Variants in ULK4 observed in about 807,000 individuals in gnomAD.
ULK4 encodes unc-51 like kinase 4.
ULK4 carries 133 observed loss-of-function variants against 160.6 expected under a neutral mutation model. The observed-to-expected ratio is 0.83, with a 90% confidence interval of 0.72 to 0.96. The LOEUF is 0.96. Ranked by LOEUF, ULK4 falls within the 40% of genes least tolerant of loss-of-function variation. The pLI, the probability that ULK4 is intolerant of heterozygous loss-of-function variation, is 0.00. For missense variants in ULK4, 1,580 were observed against 1,499.5 expected (o/e 1.05, Z -0.89); for synonymous variants, 534 against 539.8 (o/e 0.99, Z 0.15).
chr3:41,256,508 A>C (rs2078837020), intron 35 of ULK4, among the ~76,000 whole-genome samples: 1 of 152,248 alleles, frequency 6.6e-6, no homozygotes, highest in South Asian at 2.1e-4. Context: ...TTGAAAAAGC[A>C]GTGCTAGAAC....
intron 29 of ULK4, among the ~76,000 whole-genome samples, chr3:41,675,556 C>A (rs2035684105): frequency 3.3e-5 from 5 of 152,154 alleles, no homozygotes; most frequent in Admixed American, 3.3e-4. Context: ...CACTACTGCA[C>A]TCCAGCCTGG....
At chr3:41,611,302 G>T (rs912371878) in intron 31 of ULK4, among the ~76,000 whole-genome samples, 4 of 152,130 alleles carry the variant, frequency 2.6e-5, no homozygotes, top group East Asian at 1.9e-4. Flanking sequence ...CACCCAGGGG[G>T]CTCTGCTTGG....
chr3:41,409,861 A>G (rs1482096757), intron 34 of ULK4, among the ~76,000 whole-genome samples: 1 of 152,134 alleles, frequency 6.6e-6, no homozygotes, highest in South Asian at 2.1e-4. Flanking sequence ...AGTCAGAAGA[A>G]CTGTTTGAAC....
intron 29 of ULK4, among the ~76,000 whole-genome samples, chr3:41,666,617 A>G (rs932999828): frequency 1.3e-5 from 2 of 152,214 alleles, no homozygotes; most frequent in African/African-American, 4.8e-5. Flanking sequence ...CTGGATAACC[A>G]GCTCTCCTTG....
At chr3:41,530,442 G>A (rs1234654701) in intron 32 of ULK4, among the ~76,000 whole-genome samples, 1 of 152,156 alleles carries the variant, frequency 6.6e-6, no homozygotes, top group Non-Finnish European at 1.5e-5. Context: ...TGGTGGTATT[G>A]ACTATGGACA....
In ULK4 at chr3:41,484,458, C is replaced by CTTTTTTTTTTTTTTTTTTTTTTTTT. The variant is rs369059587; in HGVS notation, c.3227-21206_3227-21205insAAAAAAAAAAAAAAAAAAAAAAAAA. Among the ~76,000 whole-genome samples, 2 of 134,966 alleles carry CTTTTTTTTTTTTTTTTTTTTTTTTT rather than the reference C, an allele frequency of 1.5e-5. 1 individual carries two copies. The highest frequency in any genetic ancestry group is 3.2e-5 in the Non-Finnish European group (2 of 63,050). 88.5% of individuals were successfully genotyped at this position (134,966 alleles called of 152,430 possible). ...GAGTGACTTTTTTTTCTTTCTTTTC[C>CTTTTTTTTTTTTTTTTTTTTTTTTT]TTTTTTTGTTTTGAGATGGAGTCTC... On this transcript the variant is annotated intron_variant, in intron 32 of 36. Coordinates refer to ENST00000301831, the MANE Select transcript of ULK4 (RefSeq NM_017886.4).
intron 32 of ULK4, among the ~76,000 whole-genome samples, chr3:41,470,073 C>T (rs532574738): frequency 8.1e-6 from 1 of 124,090 alleles, no homozygotes; most frequent in East Asian, 2.5e-4. Context: ...GAACTAATGG[C>T]TGAAAACTTC....
chr3:41,675,238 CA>C (rs535940231), intron 29 of ULK4, among the ~76,000 whole-genome samples: 1 of 150,030 alleles, frequency 6.7e-6, no homozygotes, highest in East Asian at 2.0e-4. Context: ...GACTCCGTCT[CA>C]AAAAAAAGAA....
chr3:41,327,786 C>T (rs570619462), intron 35 of ULK4, among the ~76,000 whole-genome samples: 1 of 152,242 alleles, frequency 6.6e-6, no homozygotes, highest in East Asian at 1.9e-4. Context: ...TCAAGGCATA[C>T]AATTAACAGT....
intron 31 of ULK4, among the ~76,000 whole-genome samples, chr3:41,580,389 T>A (rs180685791): frequency 0.035 from 5,205 of 149,900 alleles, 176 homozygotes; most frequent in African/African-American, 0.089. Flanking sequence ...TTTTTTTTTT[T>A]AAAAAAACCT....
rs201424516 is a variant in ULK4, at chr3:41,961,550, A to ACCCCCCCCCCCCCCCC, written c.-49+450_-49+465dup. Reference sequence around the variant, plus strand: ...ACTCAGGGGCGCTACGTAGTCACTCACCCCCCCCCCCCCCCCCCCCGCTCC... The same window carrying ACCCCCCCCCCCCCCCC: ...ACTCAGGGGCGCTACGTAGTCACTCACCCCCCCCCCCCCCCCCCCCCCCCCCCCCCCCCCCCGCTCC... On this transcript the variant is annotated intron_variant, in intron 1 of 36. Transcript: ENST00000301831. Among the ~76,000 whole-genome samples, 53 of 124,676 alleles carry ACCCCCCCCCCCCCCCC rather than the reference A, an allele frequency of 4.3e-4. 14 individuals carry two copies. The highest frequency in any genetic ancestry group is 1.4e-3 in the African/African-American group (32 of 23,474). 81.8% of individuals were successfully genotyped at this position (124,676 alleles called of 152,430 possible).
At chr3:41,646,659 C>A (rs1486453326) in intron 30 of ULK4, among the ~76,000 whole-genome samples, 1 of 152,134 alleles carries the variant, frequency 6.6e-6, no homozygotes, top group Non-Finnish European at 1.5e-5. Context: ...GTGAATCTGA[C>A]AATTATGTGT....
intron 35 of ULK4, among the ~76,000 whole-genome samples, chr3:41,397,012 T>C (rs1197400253): frequency 3.3e-5 from 5 of 152,136 alleles, no homozygotes; most frequent in Non-Finnish European, 7.4e-5. Context: ...ATCAAATTGG[T>C]GCAAGTCATT....
At chr3:41,530,043 T>C (rs1188027610) in intron 32 of ULK4, among the ~76,000 whole-genome samples, 2 of 152,190 alleles carry the variant, frequency 1.3e-5, no homozygotes, top group Admixed American at 1.3e-4. Flanking sequence ...TGGAATTACA[T>C]AGTGAAAATA....
intron 34 of ULK4, among the ~76,000 whole-genome samples, chr3:41,430,025 CT>C (rs2082868869): frequency 6.6e-6 from 1 of 152,084 alleles, no homozygotes; most frequent in Non-Finnish European, 1.5e-5. Context: ...TCCTAATTTC[CT>C]TTCTGAAGAG....
At chr3:41,668,395 T>TA (rs1432066690) in intron 29 of ULK4, among the ~76,000 whole-genome samples, 1 of 152,218 alleles carries the variant, frequency 6.6e-6, no homozygotes, top group African/African-American at 2.4e-5. Flanking sequence ...AGTGATCATA[T>TA]AAAAATTTTT....
intron 35 of ULK4, among the ~76,000 whole-genome samples, chr3:41,377,135 T>G (rs2081520763): frequency 6.6e-6 from 1 of 152,184 alleles, no homozygotes; most frequent in Middle Eastern, 3.2e-3. Flanking sequence ...AAGGATTCCC[T>G]ATTTAATAAA....
chr3:41,558,691 A>G (rs1795351), intron 32 of ULK4, among the ~76,000 whole-genome samples: 64,220 of 149,316 alleles, frequency 0.43, 15,020 homozygotes, highest in Middle Eastern at 0.55. Flanking sequence ...GCAATAGAGC[A>G]AGACTCCATC....
chr3:41,864,156 T>C (rs1343182261), intron 17 of ULK4, among the ~76,000 whole-genome samples: 3 of 142,366 alleles, frequency 2.1e-5, no homozygotes, highest in African/African-American at 9.0e-5. Context: ...TGGCTAGGGC[T>C]GGATTACATG....
Sources: allele counts gnomAD v4.1 joint callset (sites outside exome capture counted in the v4.1 genomes callset), GRCh38; gene constraint gnomAD v4.1.1; transcripts MANE v1.5; gene names NCBI Gene and HGNC (gene_info 2026-07-23, HGNC 2026-07-21).